The following EXOC6B variants were observed in gnomAD, a reference collection of about 807,000 sequenced individuals.
EXOC6B encodes SEC15 homolog B.
EXOC6B carries 54 observed loss-of-function variants against 113.5 expected under a neutral mutation model. The ratio of observed to expected loss-of-function variants is 0.48; its 90% CI spans 0.38 to 0.60. The LOEUF (loss-of-function observed/expected upper bound fraction) is 0.60. Ranked by LOEUF, EXOC6B falls within the 20% of genes least tolerant of loss-of-function variation. EXOC6B has a pLI of 0.00. For synonymous variants in EXOC6B, 357 were observed against 339.0 expected (o/e 1.05, Z -0.58); for missense variants, 797 against 977.5 (o/e 0.82, Z 2.46).
chr2:72,206,899 A>C (rs978256987), intron 20 of EXOC6B, among the ~76,000 whole-genome samples: 22 of 151,978 alleles, frequency 1.4e-4, no homozygotes, highest in African/African-American at 4.6e-4. Context: ...TGCTTTTTGC[A>C]AAAAAAATTC....
chr2:72,811,482 A>G (rs992706870), intron 1 of EXOC6B, among the ~76,000 whole-genome samples: 4 of 152,222 alleles, frequency 2.6e-5, no homozygotes, highest in African/African-American at 9.6e-5. Flanking sequence ...GAATTCTACA[A>G]AATATTTGAA....
chr2:72,403,201 GT>G (rs2105179954), intron 18 of EXOC6B, among the ~76,000 whole-genome samples: 1 of 152,284 alleles, frequency 6.6e-6, no homozygotes, highest in South Asian at 2.1e-4. Flanking sequence ...GGTTTAGACA[GT>G]CTATTGTATG....
At chr2:72,697,428 G>T (rs1677974568) in intron 6 of EXOC6B, among the ~76,000 whole-genome samples, 2 of 152,096 alleles carry the variant, frequency 1.3e-5, no homozygotes, top group African/African-American at 4.8e-5. Context: ...GATCCTGCCT[G>T]TAATCCCAGA....
At chr2:72,803,674 G>T (rs562106738) in intron 1 of EXOC6B, among the ~76,000 whole-genome samples, 2 of 152,288 alleles carry the variant, frequency 1.3e-5, no homozygotes, top group South Asian at 2.1e-4. Flanking sequence ...TAAAATTATT[G>T]CATCTATAAA....
chr2:72,501,522 C>A (rs969252746), intron 11 of EXOC6B, among the ~76,000 whole-genome samples: 1 of 152,110 alleles, frequency 6.6e-6, no homozygotes, highest in Non-Finnish European at 1.5e-5. Flanking sequence ...TATAGCAACA[C>A]AAATGGATTG....
At chr2:72,247,668 G>A (rs1404816607) in intron 20 of EXOC6B, among the ~76,000 whole-genome samples, 4 of 152,146 alleles carry the variant, frequency 2.6e-5, no homozygotes, top group Non-Finnish European at 5.9e-5. Flanking sequence ...AACTACTCAC[G>A]TAAACTCCCA....
intron 5 of EXOC6B, among the ~76,000 whole-genome samples, chr2:72,729,265 T>C (rs887118277): frequency 2.6e-5 from 4 of 151,884 alleles, no homozygotes; most frequent in African/African-American, 2.4e-5. Context: ...AAATTTTAAC[T>C]GTAATTTTTT....
intron 15 of EXOC6B, among the ~76,000 whole-genome samples, chr2:72,493,550 C>T (rs1046828859): frequency 6.6e-6 from 1 of 151,392 alleles, no homozygotes; most frequent in Non-Finnish European, 1.5e-5. Context: ...TGTTCTTTAT[C>T]GCCTGAATTC....
intron 20 of EXOC6B, among the ~76,000 whole-genome samples, chr2:72,194,433 G>A (rs1370209671): frequency 6.6e-6 from 1 of 152,086 alleles, no homozygotes; most frequent in East Asian, 1.9e-4. Context: ...TTGGAGACCT[G>A]GGGAATCTAG....
At chr2:72,411,184 C>T (rs1162117460) in intron 18 of EXOC6B, among the ~76,000 whole-genome samples, 1 of 152,090 alleles carries the variant, frequency 6.6e-6, no homozygotes, top group South Asian at 2.1e-4. Context: ...TGCACTCCAG[C>T]CTGGGTGACA....
intron 1 of EXOC6B, among the ~76,000 whole-genome samples, chr2:72,815,875 T>C (rs541318406): frequency 1.6e-4 from 25 of 152,292 alleles, no homozygotes; most frequent in Non-Finnish European, 3.1e-4. Flanking sequence ...AAATGTACAA[T>C]AGGCCTAGCG....
intron 20 of EXOC6B, among the ~76,000 whole-genome samples, chr2:72,250,200 C>T (rs529451489): frequency 2.0e-5 from 3 of 152,286 alleles, no homozygotes; most frequent in African/African-American, 7.2e-5. Context: ...TGAAAACAGT[C>T]TCCAAATTCT....
chr2:72,220,608 T>C (rs1015760630), intron 20 of EXOC6B, among the ~76,000 whole-genome samples: 2 of 152,212 alleles, frequency 1.3e-5, no homozygotes, highest in African/African-American at 2.4e-5. Context: ...TCAATGAAAT[T>C]CACTTAACTT....
intron 8 of EXOC6B, among the ~76,000 whole-genome samples, chr2:72,556,492 AC>A (rs1470914386): frequency 1.3e-5 from 2 of 152,154 alleles, no homozygotes; most frequent in East Asian, 1.9e-4. Context: ...AATTTCTAGG[AC>A]CCTCAGTTCT....
chr2:72,239,193 T>C (rs1020977661), intron 20 of EXOC6B, among the ~76,000 whole-genome samples: 8 of 152,220 alleles, frequency 5.3e-5, no homozygotes, highest in African/African-American at 1.9e-4. Context: ...GCGTGGCGTG[T>C]TTTTAATTTT....
intron 6 of EXOC6B, among the ~76,000 whole-genome samples, chr2:72,640,732 T>C (rs1337293347): frequency 6.6e-6 from 1 of 152,166 alleles, no homozygotes; most frequent in African/African-American, 2.4e-5. Context: ...ATATTGAATG[T>C]TGAATGCAAT....
chr2:72,457,558 T>C lies in EXOC6B; in HGVS notation c.1980+7602A>G, dbSNP rs144201705. ...TCAGGATTCTATCTTCTGGGTCTGTTACTTGAGACAGCATTTCCTCTCTTA... is the reference window on the plus strand; with the variant it reads ...TCAGGATTCTATCTTCTGGGTCTGTCACTTGAGACAGCATTTCCTCTCTTA... On this transcript the variant is annotated intron_variant, in intron 18 of 21. Coordinates refer to ENST00000272427, the MANE Select transcript of EXOC6B (RefSeq NM_015189.3). 6.8e-4 allele frequency among the ~76,000 whole-genome samples: 103 copies of C among 152,236 alleles called. 1 individual carries two copies. The highest frequency in any genetic ancestry group is 2.3e-3 in the African/African-American group (97 of 41,556).
chr2:72,455,496 A>G (rs958690130), intron 18 of EXOC6B, among the ~76,000 whole-genome samples: 1 of 152,180 alleles, frequency 6.6e-6, no homozygotes, highest in Non-Finnish European at 1.5e-5. Flanking sequence ...AACATAGCTT[A>G]GTGCTTCTCA....
chr2:72,726,338 A>T (rs1350330523), intron 5 of EXOC6B, among the ~76,000 whole-genome samples: 1 of 152,208 alleles, frequency 6.6e-6, no homozygotes, highest in Non-Finnish European at 1.5e-5. Context: ...CTGTACACTT[A>T]AAAATGATGA....
Sources: allele counts gnomAD v4.1 joint callset (sites outside exome capture counted in the v4.1 genomes callset), GRCh38; gene constraint gnomAD v4.1.1; transcripts MANE v1.5; gene names NCBI Gene and HGNC (gene_info 2026-07-23, HGNC 2026-07-21).